Variants in DPP6 observed in about 807,000 individuals in gnomAD.
The protein encoded by DPP6 is A-type potassium channel modulatory protein DPP6.
DPP6 carries 69 observed loss-of-function variants against 122.6 expected under a neutral mutation model. The ratio of observed to expected loss-of-function variants is 0.56; its 90% CI spans 0.46 to 0.69. The LOEUF (loss-of-function observed/expected upper bound fraction) is 0.69, where lower values mean the gene tolerates loss of function less well. Ranked by LOEUF, DPP6 falls within the 30% of genes least tolerant of loss-of-function variation. The pLI, the probability that DPP6 is intolerant of heterozygous loss-of-function variation, is 0.00. For synonymous variants in DPP6, 418 were observed against 433.1 expected (o/e 0.97, Z 0.43); for missense variants, 928 against 1,116.9 (o/e 0.83, Z 2.41).
At chr7:154,607,561 CAAAAAAAAA>C (rs1162220684) in intron 5 of DPP6, among the ~76,000 whole-genome samples, 10 of 22,382 alleles carry the variant, frequency 4.5e-4, no homozygotes, top group African/African-American at 1.4e-3. Flanking sequence ...GACTCTGTCT[CAAAAAAAAA>C]AAAAAAAAAA....
chr7:154,287,907 A>G (rs945570214), intron 1 of DPP6, among the ~76,000 whole-genome samples: 36 of 152,206 alleles, frequency 2.4e-4, no homozygotes, highest in African/African-American at 8.0e-4. Flanking sequence ...TCCATCCTGA[A>G]TGTGTCCGGA....
the DPP6 span, among the ~76,000 whole-genome samples, chr7:153,771,808 A>G: frequency 6.6e-6 from 1 of 152,226 alleles, no homozygotes; most frequent in Admixed American, 6.5e-5. Flanking sequence ...TAAGAGAAAA[A>G]ACATATTAAA....
intron 18 of DPP6, among the ~76,000 whole-genome samples, chr7:154,869,574 G>T (rs1459904691): frequency 6.6e-6 from 1 of 152,214 alleles, no homozygotes; most frequent in Non-Finnish European, 1.5e-5. Flanking sequence ...AAGGGCAAGT[G>T]CAGTGCAGTG....
chr7:154,695,099 G>A (rs1006790545), intron 7 of DPP6, among the ~76,000 whole-genome samples: 2 of 152,226 alleles, frequency 1.3e-5, no homozygotes, highest in African/African-American at 4.8e-5. Flanking sequence ...GAAGACGGGG[G>A]TGAGATGGTA....
chr7:154,220,259 C>A, intron 1 of DPP6, among the ~76,000 whole-genome samples: 1 of 152,172 alleles, frequency 6.6e-6, no homozygotes, highest in Non-Finnish European at 1.5e-5. Flanking sequence ...CTGGCCCTTT[C>A]TGCTCTTCCA....
intron 16 of DPP6, among the ~76,000 whole-genome samples, chr7:154,850,740 T>C (rs372619013): frequency 6.6e-6 from 1 of 152,254 alleles, no homozygotes; most frequent in Non-Finnish European, 1.5e-5. Flanking sequence ...GCCATGTAAT[T>C]GTTCATAGTA....
At chr7:153,931,975 C>T (rs969703838) in intron 1 of DPP6, among the ~76,000 whole-genome samples, 1 of 152,208 alleles carries the variant, frequency 6.6e-6, no homozygotes, top group Non-Finnish European at 1.5e-5. Flanking sequence ...AAGGAAACTG[C>T]TTCTCCTCAT....
In DPP6 at chr7:154,833,327, G is replaced by T. The variant is rs1800779377; in HGVS notation, c.1667-20453G>T. Among the ~76,000 whole-genome samples, 1 of 152,174 alleles carries T rather than the reference G, an allele frequency of 6.6e-6. No homozygotes were observed. The highest frequency in any genetic ancestry group is 2.1e-4 in the South Asian group (1 of 4,834). On this transcript the variant is annotated intron_variant, in intron 16 of 25. Coordinates refer to ENST00000377770, the MANE Select transcript of DPP6 (RefSeq NM_130797.4). This position sits in a 1 kb window ranked among gnomAD's most constrained non-coding sequence, Gnocchi z 4.3. ...AAGGTGTTTAAGAAAGACCATAAGG[G>T]CTGTAGGAAGCCAAGAAAAGGAGTG...
chr7:154,300,708 A>T (rs1428122570), intron 1 of DPP6, among the ~76,000 whole-genome samples: 2 of 152,150 alleles, frequency 1.3e-5, no homozygotes, highest in East Asian at 3.9e-4. Context: ...TCTGGATATG[A>T]ATACCAACTC....
rs139580808 is a variant in DPP6, at chr7:154,654,760, T to C, written c.681-14600T>C. On this transcript the variant is annotated intron_variant, in intron 6 of 25. Coordinates refer to ENST00000377770, the MANE Select transcript of DPP6 (RefSeq NM_130797.4). ...AAGGAACTTCTGATACACCATAGAG[T>C]GTCTGGGAAAATTTTAAAATTACTA... Among the ~76,000 whole-genome samples the C allele has an allele frequency of 6.1e-3, 920 of 151,780 alleles. 9 individuals carry two copies. The highest frequency in any genetic ancestry group is 0.021 in the African/African-American group (851 of 41,390).
intron 2 of DPP6, among the ~76,000 whole-genome samples, chr7:154,459,805 C>CAAA (rs775605275): frequency 1.2e-3 from 74 of 63,022 alleles, no homozygotes; most frequent in East Asian, 9.5e-3. Context: ...GATTCCATCT[C>CAAA]AAAAAAAAAA....
chr7:154,080,387 G>A (rs1275612403), intron 1 of DPP6, among the ~76,000 whole-genome samples: 2 of 151,976 alleles, frequency 1.3e-5, no homozygotes, highest in East Asian at 3.9e-4. Context: ...CCCAGTCCTG[G>A]GAATACCTCC....
rs571905047 is a variant in DPP6, at chr7:154,760,691, G to A, written c.884-8726G>A. Among the ~76,000 whole-genome samples the A allele has an allele frequency of 2.0e-5, 3 of 152,120 alleles. No individual in the cohort carries two copies. The highest frequency in any genetic ancestry group is 4.4e-5 in the Non-Finnish European group (3 of 68,030). On this transcript the variant is annotated intron_variant, in intron 8 of 25. Coordinates refer to ENST00000377770, the MANE Select transcript of DPP6 (RefSeq NM_130797.4). The surrounding 1 kb of genome is among the most constrained non-coding windows in gnomAD (Gnocchi z 4.5). Reference sequence around the variant, plus strand: ...CACACTGGGACCTGTTTGAGCGTGAGGCAGGTGAGCAGAAGACATCAGGCC... The same window carrying A: ...CACACTGGGACCTGTTTGAGCGTGAAGCAGGTGAGCAGAAGACATCAGGCC...
intron 2 of DPP6, among the ~76,000 whole-genome samples, chr7:154,451,858 G>A (rs1820407661): frequency 6.6e-6 from 1 of 152,214 alleles, no homozygotes; most frequent in African/African-American, 2.4e-5. Context: ...GGGCTGTGCT[G>A]CCCTGGGATG....
At chr7:154,205,579 T>C (rs956807175) in intron 1 of DPP6, among the ~76,000 whole-genome samples, 5 of 152,092 alleles carry the variant, frequency 3.3e-5, no homozygotes, top group Non-Finnish European at 5.9e-5. Flanking sequence ...GGCTGAACAG[T>C]TCCCTTCTTT....
At chr7:154,843,795 A>C (rs893783847) in intron 16 of DPP6, among the ~76,000 whole-genome samples, 1 of 152,080 alleles carries the variant, frequency 6.6e-6, no homozygotes, top group Non-Finnish European at 1.5e-5. Context: ...TGGTCCCCTG[A>C]CCCCTTCTTT....
chr7:153,937,650 G>A (rs1259697386), intron 1 of DPP6, among the ~76,000 whole-genome samples: 1 of 152,096 alleles, frequency 6.6e-6, no homozygotes, highest in Admixed American at 6.5e-5. Flanking sequence ...GTTTCACCAT[G>A]TTGGCCAGGC....
At chr7:154,278,344 T>C (rs1255893196) in intron 1 of DPP6, among the ~76,000 whole-genome samples, 1 of 152,238 alleles carries the variant, frequency 6.6e-6, no homozygotes, top group Non-Finnish European at 1.5e-5. Flanking sequence ...TTTCATTTGC[T>C]GTTGGTTCAC....
intron 1 of DPP6, among the ~76,000 whole-genome samples, chr7:154,433,348 T>C (rs893728368): frequency 1.1e-4 from 17 of 151,148 alleles, no homozygotes; most frequent in African/African-American, 3.7e-4. Flanking sequence ...TTTGTTTTTT[T>C]AGTAGAGATG....
Sources: allele counts gnomAD v4.1 joint callset (sites outside exome capture counted in the v4.1 genomes callset), GRCh38; gene constraint gnomAD v4.1.1; non-coding constraint Gnocchi (gnomAD v3.1); transcripts MANE v1.5; gene names NCBI Gene and HGNC (gene_info 2026-07-23, HGNC 2026-07-21).